Variants in FAM171B observed in about 807,000 individuals in gnomAD.
The protein encoded by FAM171B is protein FAM171B.
In FAM171B, 19 loss-of-function variants were observed where a neutral mutation model predicts 75.6. The observed-to-expected ratio is 0.25, with a 90% confidence interval of 0.18 to 0.37. The LOEUF is 0.37. FAM171B is among the 10% of genes least tolerant of loss of function. The pLI, the probability that FAM171B is intolerant of heterozygous loss-of-function variation, is 1.00. For synonymous variants in FAM171B, 367 were observed against 361.7 expected (o/e 1.01, Z -0.17); for missense variants, 848 against 982.4 (o/e 0.86, Z 1.83).
rs192661007 is a variant in FAM171B, at chr2:186,730,879, A to G, written c.239-9349A>G. On this transcript the variant is annotated intron_variant, in intron 1 of 7. Coordinates refer to ENST00000304698, the MANE Select transcript of FAM171B (RefSeq NM_177454.4). The stretch of plus-strand genomic sequence containing the variant: ...AATTTAGCTTAAGATCTTACCACAC[A>G]TTGAGATTTATCTGTAAATCCAAAG... Among the ~76,000 whole-genome samples, 9 of 152,248 alleles carry G rather than the reference A, an allele frequency of 5.9e-5. No homozygotes were observed. The East Asian group carries it at 1.7e-3, about 29-fold the overall frequency.
At chr2:186,712,430 T>A (rs1012374270) in intron 1 of FAM171B, among the ~76,000 whole-genome samples, 5 of 152,308 alleles carry the variant, frequency 3.3e-5, no homozygotes, top group Non-Finnish European at 4.4e-5. Flanking sequence ...TCCTCATGCC[T>A]CTCACAGTGC....
intron 3 of FAM171B, among the ~76,000 whole-genome samples, chr2:186,746,491 G>A (rs1302532738): frequency 6.6e-6 from 1 of 152,128 alleles, no homozygotes; most frequent in Non-Finnish European, 1.5e-5. Context: ...CTTTAGACAT[G>A]GCTCGATCAC....
chr2:186,694,274 T>G lies in FAM171B; in HGVS notation c.101T>G (p.Leu34Arg), dbSNP rs1689540760. 1 of 1,611,902 alleles carries G rather than the reference T, an allele frequency of 6.2e-7. No homozygotes were observed. The highest frequency in any genetic ancestry group is 1.7e-5 in the Admixed American group (1 of 59,950). Residue 34 changes from leucine (L) to arginine (R), a missense_variant, in exon 1 of 8, where the codon CTC (leucine) becomes CGC (arginine). Leu to Arg is a moderately radical substitution (Grantham distance 102). Around this residue, in one of 3 missense-constraint regions of FAM171B, gnomAD observed 665 missense variants for 729.0 expected, o/e 0.91. Transcript: ENST00000304698. ...GTCCCCGCGGCCGCCAGAGCGGAAC[T>G]CAGCCGCTCCGACCTCAGCCTCATC... ...RLVPAAARAE[L>R]SRSDLSLIQQ...
intron 1 of FAM171B, among the ~76,000 whole-genome samples, chr2:186,700,040 T>C (rs1223124220): frequency 6.6e-6 from 1 of 152,042 alleles, no homozygotes; most frequent in Non-Finnish European, 1.5e-5. Context: ...TGCAGTATAA[T>C]GTCAAGTCAG....
chr2:186,716,438 G>A (rs958650754), intron 1 of FAM171B, among the ~76,000 whole-genome samples: 15 of 152,210 alleles, frequency 9.9e-5, no homozygotes, highest in Non-Finnish European at 1.9e-4. Context: ...TTAAAATACT[G>A]TAATAGATGT....
intron 6 of FAM171B, among the ~76,000 whole-genome samples, chr2:186,759,374 G>A (rs1490735265): frequency 6.6e-6 from 1 of 152,110 alleles, no homozygotes; most frequent in Non-Finnish European, 1.5e-5. Context: ...TAGCAGTGGG[G>A]TTGATGGGTC....
intron 1 of FAM171B, among the ~76,000 whole-genome samples, chr2:186,715,717 T>C (rs1240910871): frequency 1.3e-5 from 2 of 152,164 alleles, no homozygotes; most frequent in African/African-American, 2.4e-5. Context: ...ATTGCCTACA[T>C]AACAGAGGGT....
intron 3 of FAM171B, 122 bp from the exon 4 acceptor site, chr2:186,746,970 G>A: frequency 2.9e-6 from 2 of 692,316 alleles, no homozygotes; most frequent in South Asian, 2.4e-5. Context: ...AATTACATGA[G>A]AAGATGCTAA....
intron 1 of FAM171B, among the ~76,000 whole-genome samples, chr2:186,698,130 A>G (rs912129771): frequency 6.6e-6 from 1 of 152,136 alleles, no homozygotes; most frequent in Non-Finnish European, 1.5e-5. Context: ...CAACCATATT[A>G]TATTAATTCT....
chr2:186,708,251 T>C (rs1167607001), intron 1 of FAM171B, among the ~76,000 whole-genome samples: 2 of 152,192 alleles, frequency 1.3e-5, no homozygotes, highest in Non-Finnish European at 2.9e-5. Flanking sequence ...AATACCTGCT[T>C]CGAAAAGCAA....
At chr2:186,755,544 G>T (rs377582861) in intron 6 of FAM171B, among the ~76,000 whole-genome samples, 4 of 152,258 alleles carry the variant, frequency 2.6e-5, no homozygotes, top group South Asian at 4.1e-4. Context: ...TACTTACCCT[G>T]ATCCAGAACA....
chr2:186,761,403 A>C (rs539013241), intron 7 of FAM171B, 76 bp from the exon 8 acceptor site: 2 of 1,489,946 alleles, frequency 1.3e-6, no homozygotes, highest in Non-Finnish European at 1.8e-6. Flanking sequence ...TGATATGTAG[A>C]TTGGGAGTGA....
chr2:186,759,429 A>G (rs1690582543), intron 6 of FAM171B, among the ~76,000 whole-genome samples: 1 of 152,170 alleles, frequency 6.6e-6, no homozygotes, highest in Non-Finnish European at 1.5e-5. Context: ...ATTGTTCTCC[A>G]TAGTGACTAT....
At chr2:186,748,612 T>C (rs931479107) in intron 4 of FAM171B, among the ~76,000 whole-genome samples, 1 of 152,176 alleles carries the variant, frequency 6.6e-6, no homozygotes, top group Non-Finnish European at 1.5e-5. Context: ...TCTGAGCCAG[T>C]GTATGTCCCC....
At chr2:186,750,328 ATAGT>A (rs1285948487) in intron 4 of FAM171B, among the ~76,000 whole-genome samples, 52 of 152,300 alleles carry the variant, frequency 3.4e-4, no homozygotes, top group African/African-American at 1.1e-3. Context: ...ACATCTATAG[ATAGT>A]TCCTGATATT....
intron 1 of FAM171B, among the ~76,000 whole-genome samples, chr2:186,712,601 A>C (rs989349587): frequency 6.6e-6 from 1 of 152,216 alleles, no homozygotes; most frequent in African/African-American, 2.4e-5. Context: ...CGATCATATT[A>C]ATATACTGAA....
At chr2:186,697,262 C>T (rs1466308938) in intron 1 of FAM171B, among the ~76,000 whole-genome samples, 1 of 152,026 alleles carries the variant, frequency 6.6e-6, no homozygotes, top group Admixed American at 6.6e-5. Context: ...CTTGGGCCTA[C>T]TTATTGGGTT....
At chr2:186,743,847 T>G (rs1332019408) in intron 3 of FAM171B, among the ~76,000 whole-genome samples, 1 of 152,194 alleles carries the variant, frequency 6.6e-6, no homozygotes, top group Non-Finnish European at 1.5e-5. Flanking sequence ...CCAAATCACA[T>G]TTCTTACTGG....
chr2:186,756,078 A>G (rs1448247961), intron 6 of FAM171B, among the ~76,000 whole-genome samples: 1 of 152,258 alleles, frequency 6.6e-6, no homozygotes, highest in Non-Finnish European at 1.5e-5. Context: ...CACTAAAAAT[A>G]TATCTAAAAT....
Sources: allele counts gnomAD v4.1 joint callset (sites outside exome capture counted in the v4.1 genomes callset), GRCh38; gene constraint gnomAD v4.1.1; regional missense constraint gnomAD v4.1.1; transcripts MANE v1.5; gene names NCBI Gene and HGNC (gene_info 2026-07-23, HGNC 2026-07-21).